RABGAP1L: variants seen among roughly 807,000 people sequenced by gnomAD.
The protein encoded by RABGAP1L is RAB GTPase activating protein 1 like, also known as rab GTPase-activating protein 1-like.
In RABGAP1L, 63 loss-of-function variants were observed where a neutral mutation model predicts 137.7. The ratio of observed to expected loss-of-function variants is 0.46; its 90% confidence interval spans 0.37 to 0.56. The LOEUF (loss-of-function observed/expected upper bound fraction) is 0.56, where lower values mean the gene tolerates loss of function less well. Among genes scored for constraint, RABGAP1L ranks in the 20% least tolerant of loss-of-function variants. RABGAP1L has a pLI of 0.00. For missense variants in RABGAP1L, 1,095 were observed against 1,244.0 expected, an observed-to-expected ratio of 0.88 and a Z score of 1.80; for synonymous variants, 431 against 433.7, an observed-to-expected ratio of 0.99 and a Z score of 0.08.
In RABGAP1L at chr1:174,252,758, A is replaced by C. The variant is rs536006692; in HGVS notation, c.986+168A>C. ...AACTTAGATGTAACTGGTTTCATTG[A>C]AAATCAATTGCTGGGGTAAGTAAAC... On this transcript the variant is annotated intron_variant, in intron 7 of 25. Transcript: ENST00000681986. Among the ~76,000 whole-genome samples, 244 of 152,360 alleles carry C rather than the reference A, an allele frequency of 1.6e-3. 4 individuals are homozygous for C. Among genetic ancestry groups the C allele is most frequent in the Non-Finnish European group, 2.0e-3 (133 of 68,034 alleles).
chr1:174,598,058 T>C (rs1670106457), intron 13 of RABGAP1L, among the ~76,000 whole-genome samples: 1 of 152,048 alleles, frequency 6.6e-6, no homozygotes, highest in South Asian at 2.1e-4. Flanking sequence ...AGGCCAGGTG[T>C]GGTGGCTCAC....
intron 19 of RABGAP1L, chr1:174,935,169 A>T (rs1664553620): frequency 6.6e-6 from 1 of 152,226 alleles, no homozygotes; most frequent in Non-Finnish European, 1.5e-5. Flanking sequence ...TAAATTAAAG[A>T]TTCCCTTGAA....
At chr1:174,895,206 T>A (rs1019461011) in intron 19 of RABGAP1L, among the ~76,000 whole-genome samples, 1 of 152,222 alleles carries the variant, frequency 6.6e-6, no homozygotes, top group Non-Finnish European at 1.5e-5. Context: ...CAAGTTTGTT[T>A]GGAGAAAATA....
intron 13 of RABGAP1L, among the ~76,000 whole-genome samples, chr1:174,503,930 A>T (rs1165442285): frequency 1.3e-5 from 2 of 151,498 alleles, no homozygotes; most frequent in African/African-American, 4.8e-5. Flanking sequence ...AAATGTCCAT[A>T]CTACCTAAAA....
At chr1:174,945,894 G>C (rs1666653837) in intron 19 of RABGAP1L, 1 of 151,992 alleles carries the variant, frequency 6.6e-6, no homozygotes, top group Non-Finnish European at 1.5e-5. Flanking sequence ...TTTTCAGAAG[G>C]CTGTGAGAGG....
At chr1:174,619,304 C>T (rs1672216723) in intron 13 of RABGAP1L, among the ~76,000 whole-genome samples, 1 of 152,118 alleles carries the variant, frequency 6.6e-6, no homozygotes, top group South Asian at 2.1e-4. Flanking sequence ...CAAAGATACT[C>T]CTCGAGAAGA....
intron 13 of RABGAP1L, among the ~76,000 whole-genome samples, chr1:174,398,826 C>T (rs1648200021): frequency 6.6e-6 from 1 of 152,090 alleles, no homozygotes; most frequent in Admixed American, 6.5e-5. Flanking sequence ...CCAACTGCCT[C>T]TTAATAGTGA....
In RABGAP1L at chr1:174,982,713, T is replaced by A. The variant is rs80343322; in HGVS notation, c.2734-121T>A. Reference sequence around the variant, plus strand: ...TGACTGGCATTTGCAGTGCTATTCATTTGTAAAATTCCTTCTAGGATCAGA... The same window carrying A: ...TGACTGGCATTTGCAGTGCTATTCAATTGTAAAATTCCTTCTAGGATCAGA... On this transcript the variant is annotated intron_variant, in intron 23 of 25. Coordinates refer to ENST00000681986, the MANE Select transcript of RABGAP1L (RefSeq NM_001366446.1). The A allele has an allele frequency of 3.4e-5, 34 of 989,616 alleles. No homozygotes were observed. The African/African-American group carries it at 5.4e-4, about 16-fold the overall frequency. 61.3% of individuals were successfully genotyped at this position (989,616 alleles called of 1,614,324 possible). A position where few individuals can be genotyped will look rare whatever the true frequency, so the allele number is the denominator to read the frequency against.
At chr1:174,345,781 C>T (rs76689364) in intron 11 of RABGAP1L, among the ~76,000 whole-genome samples, 3 of 152,066 alleles carry the variant, frequency 2.0e-5, no homozygotes, top group African/African-American at 4.8e-5. Flanking sequence ...AGTACTATGT[C>T]GAATAACTGT....
chr1:174,380,325 C>G (rs1024887145), intron 12 of RABGAP1L, among the ~76,000 whole-genome samples: 2 of 152,096 alleles, frequency 1.3e-5, no homozygotes, highest in Non-Finnish European at 2.9e-5. Context: ...GGAGGATTCC[C>G]TCTTTTTCTA....
chr1:174,966,781 C>T (rs895584725), intron 20 of RABGAP1L, among the ~76,000 whole-genome samples: 1 of 152,044 alleles, frequency 6.6e-6, no homozygotes, highest in Admixed American at 6.5e-5. Flanking sequence ...TCACAAGGCA[C>T]CACTTCTGAG....
At chr1:174,629,652 A>T (rs1454767014) in intron 13 of RABGAP1L, among the ~76,000 whole-genome samples, 1 of 151,940 alleles carries the variant, frequency 6.6e-6, no homozygotes, top group African/African-American at 2.4e-5. Context: ...CCTCCTGAGT[A>T]GCTGGGATTA....
rs902799313 is a variant in RABGAP1L at position 174,928,689 on chromosome 1, C to T, written c.2341-28768C>T. Among the ~76,000 whole-genome samples the T allele has an allele frequency of 2.8e-4, 42 of 151,920 alleles. 1 individual carries two copies. The highest frequency in any genetic ancestry group is 5.9e-5 in the Non-Finnish European group (4 of 67,988). On this transcript the variant is annotated intron_variant, in intron 19 of 25. Coordinates refer to ENST00000681986, the MANE Select transcript of RABGAP1L (RefSeq NM_001366446.1). The stretch of plus-strand genomic sequence containing the variant: ...CTGCAATCTTTTGCAAATTTGTTGC[C>T]TTTTTTTCTCTCTTTATGAAGAAGC...
chr1:174,481,167 A>C (rs975001871), intron 13 of RABGAP1L, among the ~76,000 whole-genome samples: 24 of 152,012 alleles, frequency 1.6e-4, no homozygotes, highest in Non-Finnish European at 3.2e-4. Context: ...ACGCCAGCCC[A>C]CTCCGAAACA....
Position 174,581,086 on chromosome 1 carries a change from C to T in RABGAP1L, c.1711-56289C>T, listed in dbSNP as rs183220168. Among the ~76,000 whole-genome samples, 3 of 152,254 alleles carry T rather than the reference C, an allele frequency of 2.0e-5. No individual in the cohort carries two copies. In the East Asian group the frequency reaches 5.8e-4, roughly 29 times the overall value. On this transcript the variant is annotated intron_variant, in intron 13 of 25. Coordinates refer to ENST00000681986, the MANE Select transcript of RABGAP1L (RefSeq NM_001366446.1). ...CACTGCTGGTTGGAATGTCAAAATGCTGTAGCTGCCTTGGAAAACAGCTGA... is the reference window on the plus strand; with the variant it reads ...CACTGCTGGTTGGAATGTCAAAATGTTGTAGCTGCCTTGGAAAACAGCTGA...
At chr1:174,612,007 A>G (rs559511243) in intron 13 of RABGAP1L, among the ~76,000 whole-genome samples, 1 of 152,202 alleles carries the variant, frequency 6.6e-6, no homozygotes, top group Non-Finnish European at 1.5e-5. Flanking sequence ...GCAAACAGGG[A>G]CAATTTGATT....
intron 11 of RABGAP1L, among the ~76,000 whole-genome samples, chr1:174,351,173 C>T (rs191380145): frequency 3.1e-3 from 475 of 151,622 alleles, no homozygotes; most frequent in Non-Finnish European, 4.4e-3. Context: ...ACAGGTTCAT[C>T]TTTCTACCCA....
intron 3 of RABGAP1L, among the ~76,000 whole-genome samples, chr1:174,226,410 A>G (rs1028010251): frequency 2.6e-5 from 4 of 152,228 alleles, no homozygotes; most frequent in Admixed American, 2.0e-4. Flanking sequence ...AAAAAGAAAG[A>G]AAGAGTCCTC....
chr1:174,318,273 C>T (rs905860358), intron 11 of RABGAP1L, among the ~76,000 whole-genome samples: 3 of 152,050 alleles, frequency 2.0e-5, no homozygotes, highest in Non-Finnish European at 4.4e-5. Context: ...AACTTAAAGT[C>T]TGTGTTGTCT....
Sources: gnomAD v4.1 joint callset for allele counts (sites outside exome capture counted in the v4.1 genomes callset) on GRCh38, gnomAD v4.1.1 for gene constraint, MANE v1.5 for transcripts, NCBI Gene and HGNC (gene_info 2026-07-23, HGNC 2026-07-21) for gene names.